The following PLCE1 variants were observed in gnomAD, a reference collection of about 807,000 sequenced individuals.
PLCE1 encodes the protein phospholipase C epsilon 1, also known as 1-phosphatidylinositol 4,5-bisphosphate phosphodiesterase epsilon-1.
In PLCE1, 119 loss-of-function variants were observed where a neutral mutation model predicts 242.8. The observed-to-expected ratio is 0.49, with a 90% CI of 0.42 to 0.57. The LOEUF is 0.57. Among genes scored for constraint, PLCE1 ranks in the 20% least tolerant of loss-of-function variants. The probability of loss-of-function intolerance (pLI) is 0.00; values close to 1 mark genes in which losing one functional copy is unlikely to be tolerated. For missense variants in PLCE1, 2,441 were observed against 2,788.8 expected (o/e 0.88, Z 2.81); for synonymous variants, 945 against 1,017.4 (o/e 0.93, Z 1.35).
chr10:94,013,529 A>G (rs2061214837), intron 1 of PLCE1, among the ~76,000 whole-genome samples: 1 of 152,216 alleles, frequency 6.6e-6, no homozygotes, highest in Non-Finnish European at 1.5e-5. Context: ...AAGGAAACAA[A>G]TGAGGCTGAT....
At chr10:94,170,804 T>C (rs1317869160) in intron 3 of PLCE1, among the ~76,000 whole-genome samples, 1 of 152,242 alleles carries the variant, frequency 6.6e-6, no homozygotes, top group Non-Finnish European at 1.5e-5. Context: ...AAGTTGGCTA[T>C]GCTTATACCT....
In PLCE1 at chr10:94,255,952, T is replaced by C. The variant is rs1003810890; in HGVS notation, c.3554+903T>C. Among the ~76,000 whole-genome samples the C allele has an allele frequency of 4.4e-3, 519 of 118,798 alleles. 3 individuals carry two copies. Among genetic ancestry groups the C allele is most frequent in the African/African-American group, 0.015 (490 of 31,678 alleles). The allele number at this position is 118,798 out of a possible 152,430, so 77.9% of individuals were successfully genotyped here. A position where few individuals can be genotyped will look rare whatever the true frequency, so the allele number is the denominator to read the frequency against. On this transcript the variant is annotated intron_variant, in intron 11 of 32. Transcript: ENST00000371380. ...CTCTCTCTCTCTCTCTCTCTCTCTC[T>C]CTCTCCCCACCCCTCCCTCTCTCCC...
At chr10:94,115,708 C>CGT (rs2046104034) in intron 2 of PLCE1, among the ~76,000 whole-genome samples, 1 of 152,126 alleles carries the variant, frequency 6.6e-6, no homozygotes, top group Non-Finnish European at 1.5e-5. Flanking sequence ...TCCCATTCTA[C>CGT]AGGTTGCCTG....
intron 3 of PLCE1, chr10:94,138,304 C>T: frequency 2.9e-6 from 1 of 348,890 alleles, no homozygotes; most frequent in South Asian, 2.6e-5. Flanking sequence ...ACGGTGATGG[C>T]ATGGAAGAGG....
chr10:94,066,274 C>A (rs1450309702), intron 2 of PLCE1, among the ~76,000 whole-genome samples: 1 of 152,178 alleles, frequency 6.6e-6, no homozygotes, highest in Non-Finnish European at 1.5e-5. Context: ...CTTTCTCTGT[C>A]TTTTTCATTG....
At chr10:94,110,497 T>C (rs1023837975) in intron 2 of PLCE1, among the ~76,000 whole-genome samples, 1 of 152,200 alleles carries the variant, frequency 6.6e-6, no homozygotes, top group Non-Finnish European at 1.5e-5. Flanking sequence ...AAGAGAATGG[T>C]TACTTACACT....
At chr10:94,304,779 T>G in intron 25 of PLCE1, 134 bp downstream of exon 25, 1 of 825,484 alleles carries the variant, frequency 1.2e-6, no homozygotes, top group Non-Finnish European at 2.0e-6. Flanking sequence ...CCCAGAATAA[T>G]GTATTTATTT....
chr10:94,122,898 G>T (rs189779834), intron 2 of PLCE1, among the ~76,000 whole-genome samples: 22 of 152,316 alleles, frequency 1.4e-4, no homozygotes, highest in Admixed American at 1.2e-3. Flanking sequence ...AAACTCCTGG[G>T]TGAGGAGGAT....
At chr10:94,204,748 G>GAAGAAGGAAGGA (rs1554883694) in intron 4 of PLCE1, among the ~76,000 whole-genome samples, 2 of 122,346 alleles carry the variant, frequency 1.6e-5, no homozygotes, top group African/African-American at 6.6e-5. Flanking sequence ...AGAAGGGAGG[G>GAAGAAGGAAGGA]AGGAAGGAAG....
chr10:94,009,519 G>T (rs1410728015), intron 1 of PLCE1, among the ~76,000 whole-genome samples: 1 of 152,116 alleles, frequency 6.6e-6, no homozygotes, highest in Non-Finnish European at 1.5e-5. Context: ...CTTCCCAATA[G>T]TCCTTAAAGT....
chr10:94,268,072 A>G (rs2051579560), intron 16 of PLCE1, among the ~76,000 whole-genome samples: 1 of 152,188 alleles, frequency 6.6e-6, no homozygotes, highest in Non-Finnish European at 1.5e-5. Context: ...TTTTAAGATG[A>G]TGTACAGATC....
chr10:94,090,495 A>C (rs1158296123), intron 2 of PLCE1, among the ~76,000 whole-genome samples: 1 of 152,092 alleles, frequency 6.6e-6, no homozygotes, highest in Non-Finnish European at 1.5e-5. Flanking sequence ...TCCTGTCCAA[A>C]GTTGTGTGGA....
At chr10:94,157,984 G>A (rs559029495) in intron 3 of PLCE1, among the ~76,000 whole-genome samples, 1 of 152,270 alleles carries the variant, frequency 6.6e-6, no homozygotes, top group South Asian at 2.1e-4. Context: ...ACATAGAGTG[G>A]TTGTGAGGAT....
intron 23 of PLCE1, among the ~76,000 whole-genome samples, chr10:94,293,904 C>T (rs960046392): frequency 2.6e-5 from 4 of 152,012 alleles, no homozygotes; most frequent in African/African-American, 4.8e-5. Context: ...GTCAGGAGTT[C>T]GAGACCAGTC....
chr10:94,190,239 T>C (rs2048616910), intron 4 of PLCE1, among the ~76,000 whole-genome samples: 1 of 152,214 alleles, frequency 6.6e-6, no homozygotes. Flanking sequence ...AAGATGGCGC[T>C]ACTGTACTCC....
chr10:94,052,803 A>T (rs1301861777), intron 2 of PLCE1, among the ~76,000 whole-genome samples: 1 of 152,184 alleles, frequency 6.6e-6, no homozygotes, highest in African/African-American at 2.4e-5. Context: ...ATAAAGAGCA[A>T]TTACTTTTGA....
chr10:94,172,224 G>A (rs930271590), intron 4 of PLCE1, among the ~76,000 whole-genome samples: 3 of 152,170 alleles, frequency 2.0e-5, no homozygotes, highest in African/African-American at 4.8e-5. Context: ...GGAAAGAGCA[G>A]GGAGTCTCCA....
chr10:94,220,383 T>C (rs1274641048), intron 4 of PLCE1, among the ~76,000 whole-genome samples: 2 of 37,964 alleles, frequency 5.3e-5, no homozygotes, highest in African/African-American at 1.8e-4. Context: ...ATTTTATATA[T>C]ATATATATAT....
chr10:94,049,603 C>G (rs762994953), intron 2 of PLCE1, among the ~76,000 whole-genome samples: 55 of 151,640 alleles, frequency 3.6e-4, no homozygotes, highest in African/African-American at 6.3e-4. Flanking sequence ...CTGTCTGTCT[C>G]TCTCTCTCTC....
Sources: allele counts gnomAD v4.1 joint callset (sites outside exome capture counted in the v4.1 genomes callset), GRCh38; gene constraint gnomAD v4.1.1; transcripts MANE v1.5; gene names NCBI Gene and HGNC (gene_info 2026-07-23, HGNC 2026-07-21).